Variants in CNBD1 observed in about 807,000 individuals in gnomAD.
CNBD1 encodes the protein cyclic nucleotide binding domain containing 1, also known as cyclic nucleotide-binding domain-containing protein 1.
A neutral mutation model predicts 54.4 loss-of-function variants in CNBD1; 71 were observed. The ratio of observed to expected loss-of-function variants is 1.30; its 90% CI spans 1.08 to 1.59. The LOEUF is 1.59. Ranked by LOEUF, CNBD1 falls within the 40% of genes most tolerant of loss-of-function variation. The pLI is 0.00. For synonymous variants in CNBD1, 182 were observed against 170.7 expected, an observed-to-expected ratio of 1.07 and a Z score of -0.51; for missense variants, 659 against 518.0, an observed-to-expected ratio of 1.27 and a Z score of -2.64.
chr8:87,011,313 A>G (rs1049856078), intron 4 of CNBD1, among the ~76,000 whole-genome samples: 1 of 151,548 alleles, frequency 6.6e-6, no homozygotes, highest in Non-Finnish European at 1.5e-5. Context: ...ACCCTCGTGT[A>G]GCTTATTAAT....
intron 5 of CNBD1, among the ~76,000 whole-genome samples, chr8:87,215,023 T>C (rs187187691): frequency 1.2e-3 from 186 of 152,288 alleles, no homozygotes; most frequent in Non-Finnish European, 2.5e-3. Flanking sequence ...GCCAAACTTA[T>C]ATACAAATGT....
chr8:87,308,515 T>G (rs1175005913), intron 8 of CNBD1, among the ~76,000 whole-genome samples: 1 of 152,174 alleles, frequency 6.6e-6, no homozygotes, highest in Admixed American at 6.6e-5. Context: ...TTTTGACACA[T>G]GCATACAATG....
intron 6 of CNBD1, among the ~76,000 whole-genome samples, chr8:87,280,034 T>C (rs986447004): frequency 6.6e-6 from 1 of 151,654 alleles, no homozygotes; most frequent in East Asian, 1.9e-4. Flanking sequence ...TTGGAATAAA[T>C]TTATCCAGAA....
chr8:87,177,339 T>C (rs2130774267), intron 4 of CNBD1, among the ~76,000 whole-genome samples: 1 of 152,324 alleles, frequency 6.6e-6, no homozygotes, highest in South Asian at 2.1e-4. Flanking sequence ...GTGGTTTTAT[T>C]CCCAAGGAAT....
intron 5 of CNBD1, among the ~76,000 whole-genome samples, chr8:87,229,020 G>T (rs200736112): frequency 1.3e-5 from 2 of 152,068 alleles, no homozygotes; most frequent in East Asian, 1.9e-4. Context: ...TTCCAGGTGC[G>T]GTCCCTCACC....
At position 87,382,782 on chromosome 8, in the gene CNBD1, C is replaced by T. The variant is rs965227515; in HGVS notation, c.*155C>T. 2.2e-6 allele frequency: 1 copy of T among 462,392 alleles called. No homozygotes were observed. Among genetic ancestry groups the T allele is most frequent in the Non-Finnish European group, 3.8e-6 (1 of 260,698 alleles). 28.6% of individuals were successfully genotyped at this position (462,392 alleles called of 1,614,324 possible). ...CCAGGAAAGTCCCACTTTCGAATTG[C>T]CTTTCAAACACAGTTTTTATTAGCA... is the stretch of plus-strand genomic sequence containing the variant. On this transcript the variant is annotated 3_prime_UTR_variant, in exon 11 of 11. Transcript: ENST00000518476.
chr8:87,378,456 A>G lies in CNBD1; in HGVS notation c.1304-4164A>G, dbSNP rs1262714523. On this transcript the variant is annotated intron_variant, in intron 10 of 10. Coordinates refer to ENST00000518476, the MANE Select transcript of CNBD1 (RefSeq NM_173538.3). ...TTTTCTCAGGTTTTTCAAAGATCAG[A>G]TAGTTGTAGATATGTGGCATTATTT... Among the ~76,000 whole-genome samples, 22 of 151,000 alleles carry G rather than the reference A, an allele frequency of 1.5e-4. 1 individual carries two copies. Among genetic ancestry groups the G allele is most frequent in the Admixed American group, 1.5e-3 (22 of 15,148 alleles).
chr8:87,158,066 A>C (rs1387778449), intron 4 of CNBD1, among the ~76,000 whole-genome samples: 4 of 152,062 alleles, frequency 2.6e-5, no homozygotes, highest in Admixed American at 2.6e-4. Context: ...ATATTCATGA[A>C]AAATATAAGG....
intron 4 of CNBD1, among the ~76,000 whole-genome samples, chr8:87,029,855 A>G (rs1268241126): frequency 6.6e-6 from 1 of 151,196 alleles, no homozygotes; most frequent in Non-Finnish European, 1.5e-5. Flanking sequence ...TTTAATATGT[A>G]TTTTTATTTT....
At chr8:87,066,833 TATC>T (rs1421397159) in intron 4 of CNBD1, among the ~76,000 whole-genome samples, 2 of 152,052 alleles carry the variant, frequency 1.3e-5, no homozygotes, top group East Asian at 3.9e-4. Flanking sequence ...AAGTTAAAAT[TATC>T]ATTAAATATT....
In CNBD1 at chr8:87,326,565, T is replaced by G. The variant is rs867933737; in HGVS notation, c.1043-25120T>G. On this transcript the variant is annotated intron_variant, in intron 8 of 10. Coordinates refer to ENST00000518476, the MANE Select transcript of CNBD1 (RefSeq NM_173538.3). ...TCATTTCATTCATTTCATCTTCCAT[T>G]GCTGATACCCTTTCTTCCAGTTGAT... is the stretch of plus-strand genomic sequence containing the variant. Among the ~76,000 whole-genome samples the G allele has an allele frequency of 8.7e-4, 100 of 115,134 alleles. 12 individuals are homozygous for G. Among genetic ancestry groups the G allele is most frequent in the African/African-American group, 3.0e-3 (93 of 31,510 alleles). 75.5% of individuals were successfully genotyped at this position (115,134 alleles called of 152,430 possible). A position where few individuals can be genotyped will look rare whatever the true frequency, so the allele number is the denominator to read the frequency against.
At chr8:86,966,839 A>G (rs1808089422) in intron 4 of CNBD1, among the ~76,000 whole-genome samples, 1 of 152,162 alleles carries the variant, frequency 6.6e-6, no homozygotes, top group African/African-American at 2.4e-5. Context: ...AGCATGGAAG[A>G]GGACCCTAGG....
intron 5 of CNBD1, among the ~76,000 whole-genome samples, chr8:87,206,874 C>A (rs1178468804): frequency 3.3e-5 from 5 of 152,190 alleles, no homozygotes; most frequent in Non-Finnish European, 7.3e-5. Context: ...ACAGAGCATT[C>A]TTGCTTAGAA....
intron 8 of CNBD1, among the ~76,000 whole-genome samples, chr8:87,339,919 T>C (rs1345786435): frequency 6.6e-6 from 1 of 152,230 alleles, no homozygotes; most frequent in Non-Finnish European, 1.5e-5. Flanking sequence ...TAGTGATTTA[T>C]GCATCAGTGT....
In CNBD1 at chr8:86,963,045, A is replaced by C. The variant is rs527857601; in HGVS notation, c.431+23291A>C. 2.6e-5 allele frequency among the ~76,000 whole-genome samples: 4 copies of C among 152,250 alleles called. No individual in the cohort carries two copies. The East Asian group carries it at 7.8e-4, about 30-fold the overall frequency. ...GGTTACCCATCTGGAAAGAGGAGTA[A>C]AAGGCTTCCCTTTGTTCCTCTCTCT... On this transcript the variant is annotated intron_variant, in intron 4 of 10. Transcript: ENST00000518476.
chr8:87,099,575 T>C (rs745844177), intron 4 of CNBD1, among the ~76,000 whole-genome samples: 8 of 152,200 alleles, frequency 5.3e-5, no homozygotes, highest in Non-Finnish European at 8.8e-5. Context: ...GATATATTTT[T>C]AGGTTAGATC....
intron 4 of CNBD1, among the ~76,000 whole-genome samples, chr8:87,183,419 A>G (rs1456223391): frequency 1.3e-5 from 1 of 75,300 alleles, no homozygotes; most frequent in Admixed American, 1.6e-4. Flanking sequence ...TGATGGCTAT[A>G]TTATTTTCCC....
chr8:87,333,894 G>A (rs764759043), intron 8 of CNBD1, among the ~76,000 whole-genome samples: 9 of 152,142 alleles, frequency 5.9e-5, no homozygotes, highest in Non-Finnish European at 1.3e-4. Flanking sequence ...AAATGAGTTA[G>A]GGAGGAGTCC....
intron 3 of CNBD1, among the ~76,000 whole-genome samples, chr8:86,919,631 G>C (rs1563821989): frequency 6.6e-6 from 1 of 152,130 alleles, no homozygotes; most frequent in East Asian, 1.9e-4. Context: ...GTGGTTTGTT[G>C]ATTAGGAACT....
Sources: allele counts gnomAD v4.1 joint callset (sites outside exome capture counted in the v4.1 genomes callset), GRCh38; gene constraint gnomAD v4.1.1; transcripts MANE v1.5; gene names NCBI Gene and HGNC (gene_info 2026-07-23, HGNC 2026-07-21).